Variants in FBXW11 observed in about 807,000 individuals in gnomAD.
The protein encoded by FBXW11 is F-box and WD repeat domain containing 11.
FBXW11 carries 19 observed loss-of-function variants against 77.6 expected under a neutral mutation model. The ratio of observed to expected loss-of-function variants is 0.24; its 90% CI spans 0.17 to 0.36. FBXW11 has a LOEUF of 0.36. Among genes scored for constraint, FBXW11 ranks in the 10% least tolerant of loss-of-function variants. The pLI, the probability that FBXW11 is intolerant of heterozygous loss-of-function variation, is 1.00. For missense variants in FBXW11, 334 were observed against 704.2 expected (o/e 0.47, Z 5.95); for synonymous variants, 235 against 249.4 (o/e 0.94, Z 0.54).
chr5:171,908,299 A>T (rs1193127827), intron 4 of FBXW11, among the ~76,000 whole-genome samples: 1 of 152,152 alleles, frequency 6.6e-6, no homozygotes, highest in East Asian at 1.9e-4. Context: ...CTCATAATTA[A>T]AAGTGAGAAT....
chr5:171,871,439 T>C (rs1757748087), intron 10 of FBXW11, among the ~76,000 whole-genome samples: 1 of 152,170 alleles, frequency 6.6e-6, no homozygotes, highest in South Asian at 2.1e-4. Flanking sequence ...TGATGAGGCT[T>C]GGGGATACCC....
intron 1 of FBXW11, among the ~76,000 whole-genome samples, chr5:172,005,864 A>G (rs1158400447): frequency 6.6e-6 from 1 of 152,022 alleles, no homozygotes; most frequent in Non-Finnish European, 1.5e-5. Context: ...CGGACACCAC[A>G]AGGGCCCGGG....
chr5:171,890,487 C>CAAA (rs5873290), intron 7 of FBXW11, among the ~76,000 whole-genome samples: 16 of 126,406 alleles, frequency 1.3e-4, no homozygotes, highest in East Asian at 2.2e-4. Context: ...GACTCCGTCT[C>CAAA]AAAAAAAAAA....
At chr5:171,866,183 C>T (rs187993440) in intron 13 of FBXW11, among the ~76,000 whole-genome samples, 57 of 151,742 alleles carry the variant, frequency 3.8e-4, no homozygotes, top group African/African-American at 1.1e-3. Context: ...GAGGATCACC[C>T]GAGCCTGGGA....
At chr5:171,928,477 C>G (rs1232212054) in intron 2 of FBXW11, among the ~76,000 whole-genome samples, 1 of 152,126 alleles carries the variant, frequency 6.6e-6, no homozygotes, top group Non-Finnish European at 1.5e-5. Flanking sequence ...GGACTTCAAT[C>G]AGCTTTGAAA....
chr5:171,936,015 A>G (rs1762456002), intron 2 of FBXW11, among the ~76,000 whole-genome samples: 1 of 148,010 alleles, frequency 6.8e-6, no homozygotes, highest in African/African-American at 2.5e-5. Context: ...GGAGGCTGAG[A>G]TAGGAGAACT....
chr5:171,907,944 G>A (rs1440446179), intron 4 of FBXW11, among the ~76,000 whole-genome samples: 3 of 152,180 alleles, frequency 2.0e-5, no homozygotes, highest in Non-Finnish European at 4.4e-5. Flanking sequence ...AATACAAGGT[G>A]AGTTCCCTGG....
chr5:171,944,981 T>A (rs1762934096), intron 2 of FBXW11, among the ~76,000 whole-genome samples: 1 of 152,194 alleles, frequency 6.6e-6, no homozygotes, highest in Non-Finnish European at 1.5e-5. Context: ...ACCTACTACC[T>A]GCTGGGACTG....
chr5:171,965,099 T>C lies in FBXW11; in HGVS notation c.46-7401A>G, dbSNP rs543923936. Among the ~76,000 whole-genome samples the C allele has an allele frequency of 9.2e-5, 14 of 152,282 alleles. No individual in the cohort carries two copies. In the South Asian group the frequency reaches 1.7e-3, roughly 18 times the overall value. ...AACCAAAATTTACTATCTGCCAAGT[T>C]TTTAGATTCAAGAACAGCCCAAAAG... On this transcript the variant is annotated intron_variant, in intron 1 of 13. Transcript: ENST00000517395.
At chr5:171,920,138 G>A (rs1761506269) in intron 2 of FBXW11, among the ~76,000 whole-genome samples, 1 of 152,008 alleles carries the variant, frequency 6.6e-6, no homozygotes, top group Admixed American at 6.6e-5. Flanking sequence ...ACTCCAGTCT[G>A]GGCAACAGAG....
At chr5:171,872,684 C>T (rs1757828014) in intron 10 of FBXW11, among the ~76,000 whole-genome samples, 188 bp downstream of exon 10, 1 of 152,204 alleles carries the variant, frequency 6.6e-6, no homozygotes, top group Admixed American at 6.5e-5. Context: ...CTTGGAAGAA[C>T]ACCCAGGGCA....
At chr5:171,930,941 CTATAGA>C (rs1271710470) in intron 2 of FBXW11, among the ~76,000 whole-genome samples, 1 of 151,772 alleles carries the variant, frequency 6.6e-6, no homozygotes, top group South Asian at 2.1e-4. Context: ...ACATAAACAC[CTATAGA>C]TATAATTAGG....
At chr5:171,980,090 T>C (rs998536148) in intron 1 of FBXW11, among the ~76,000 whole-genome samples, 1 of 152,244 alleles carries the variant, frequency 6.6e-6, no homozygotes, top group Non-Finnish European at 1.5e-5. Flanking sequence ...AGTATAAGCA[T>C]GCCAGGGCAA....
At chr5:171,937,547 C>T (rs1329958926) in intron 2 of FBXW11, among the ~76,000 whole-genome samples, 1 of 152,006 alleles carries the variant, frequency 6.6e-6, no homozygotes, top group Non-Finnish European at 1.5e-5. Context: ...TATAAAAACG[C>T]AGTGGGGGCC....
chr5:171,929,028 G>A (rs1409194103), intron 2 of FBXW11, among the ~76,000 whole-genome samples: 1 of 152,026 alleles, frequency 6.6e-6, no homozygotes, highest in Non-Finnish European at 1.5e-5. Flanking sequence ...AGCTGAGGTC[G>A]TGCCACTGCA....
intron 1 of FBXW11, 79 bp from the exon 2 acceptor site, chr5:171,957,777 A>T (rs1285875222): frequency 2.3e-5 from 28 of 1,223,200 alleles, no homozygotes; most frequent in Non-Finnish European, 3.4e-5. Flanking sequence ...AGGCAACTTG[A>T]ATGTTAGTTG....
chr5:171,938,922 A>G lies in FBXW11; in HGVS notation c.147+18675T>C, dbSNP rs144330217. 3.7e-4 allele frequency among the ~76,000 whole-genome samples: 57 copies of G among 152,336 alleles called. No homozygotes were observed. The East Asian group carries it at 9.2e-3, about 25-fold the overall frequency. On this transcript the variant is annotated intron_variant, in intron 2 of 13. Transcript: ENST00000517395. ...AAGTGCAAAAGAATATATACTGTAT[A>G]CTACCTTTTGTGTAAAAAATAAGCA...
At chr5:171,967,484 T>C (rs1764252172) in intron 1 of FBXW11, among the ~76,000 whole-genome samples, 1 of 152,166 alleles carries the variant, frequency 6.6e-6, no homozygotes, top group Non-Finnish European at 1.5e-5. Flanking sequence ...CAAGAAACAC[T>C]AAGTGAATAA....
In FBXW11 at chr5:171,899,022, C is replaced by T. The variant is rs1425189076; in HGVS notation, c.696G>A (p.Lys232=). 3.7e-6 allele frequency: 6 copies of T among 1,602,684 alleles called. No homozygotes were observed. The highest frequency in any genetic ancestry group is 1.1e-5 in the South Asian group (1 of 89,118). Residue 232 remains lysine, a synonymous_variant, in exon 6 of 14, where the codon AAG becomes AAA. Transcript: ENST00000517395. ...PNSFYRSLYP[K]IIQDIETIES... ...AAGTTACCTCTATATCCTGGATAAT[C>T]TTTGGGTATAATGACCTATAAAATG...
Sources: allele counts gnomAD v4.1 joint callset (sites outside exome capture counted in the v4.1 genomes callset), GRCh38; gene constraint gnomAD v4.1.1; transcripts MANE v1.5; gene names NCBI Gene and HGNC (gene_info 2026-07-23, HGNC 2026-07-21).